The following SATB2 variants were observed in gnomAD, a reference collection of about 807,000 sequenced individuals.
SATB2 encodes DNA-binding protein SATB2.
In SATB2, 1 loss-of-function variant was observed where a neutral mutation model predicts 73.4. That is an observed-to-expected ratio of 0.01 (90% CI 0.00 to 0.06). The LOEUF (loss-of-function observed/expected upper bound fraction) is 0.06. Among genes scored for constraint, SATB2 ranks in the 10% least tolerant of loss-of-function variants. The probability of loss-of-function intolerance (pLI) is 1.00; values close to 1 mark genes in which losing one functional copy is unlikely to be tolerated. For synonymous variants in SATB2, 397 were observed against 367.0 expected, an observed-to-expected ratio of 1.08 and a Z score of -0.93; for missense variants, 459 against 945.8, an observed-to-expected ratio of 0.49 and a Z score of 6.75.
At chr2:199,386,424 C>A (rs1371381747) in intron 3 of SATB2, among the ~76,000 whole-genome samples, 2 of 152,172 alleles carry the variant, frequency 1.3e-5, no homozygotes, top group Non-Finnish European at 2.9e-5. Context: ...TGTCTAGTTA[C>A]AATTACAACA....
intron 10 of SATB2, among the ~76,000 whole-genome samples, chr2:199,287,282 A>C (rs1015104259): frequency 6.6e-6 from 1 of 152,034 alleles, no homozygotes; most frequent in African/African-American, 2.4e-5. Flanking sequence ...ACTTCAGATA[A>C]ATACATTTCA....
chr2:199,440,424 C>T (rs1230391759), intron 2 of SATB2, among the ~76,000 whole-genome samples: 1 of 152,170 alleles, frequency 6.6e-6, no homozygotes. Context: ...TAGTGTTCTC[C>T]TTAATCTCCT....
intron 3 of SATB2, among the ~76,000 whole-genome samples, chr2:199,385,615 G>T (rs558461632): frequency 2.3e-4 from 35 of 152,270 alleles, no homozygotes; most frequent in African/African-American, 8.4e-4. Flanking sequence ...GAAGGGATGG[G>T]TTATCTTAAG....
At chr2:199,380,626 A>G (rs1689741925) in intron 4 of SATB2, 139 bp from the exon 5 acceptor site, 3 of 1,105,872 alleles carry the variant, frequency 2.7e-6, no homozygotes, top group African/African-American at 1.5e-5. Context: ...AAGTGAAGGA[A>G]GGGAAGTAAA....
intron 10 of SATB2, among the ~76,000 whole-genome samples, chr2:199,292,342 C>T (rs1357153945): frequency 2.0e-5 from 3 of 152,196 alleles, no homozygotes; most frequent in Admixed American, 6.5e-5. Context: ...GGTGCCAAGA[C>T]ATTAAACTGT....
At chr2:199,349,492 T>C (rs1688751775) in intron 6 of SATB2, among the ~76,000 whole-genome samples, 2 of 152,178 alleles carry the variant, frequency 1.3e-5, no homozygotes. Context: ...CCAAGCTCTA[T>C]CATCTCCCCA....
chr2:199,378,915 G>C (rs1288969320), intron 5 of SATB2, among the ~76,000 whole-genome samples: 1 of 152,146 alleles, frequency 6.6e-6, no homozygotes. Context: ...CTGATTCCAG[G>C]ATACATGCTC....
chr2:199,335,968 C>T (rs1422631011), intron 7 of SATB2, among the ~76,000 whole-genome samples: 2 of 152,116 alleles, frequency 1.3e-5, no homozygotes, highest in African/African-American at 4.8e-5. Flanking sequence ...TTCTTGAAGC[C>T]AAAACAGTCT....
intron 10 of SATB2, among the ~76,000 whole-genome samples, chr2:199,291,282 T>G (rs990459890): frequency 3.9e-5 from 6 of 152,206 alleles, no homozygotes; most frequent in Non-Finnish European, 7.3e-5. Context: ...GAGAATGGTT[T>G]CAAGTTAGAG....
At chr2:199,310,060 C>G (rs1327048567) in intron 9 of SATB2, among the ~76,000 whole-genome samples, 1 of 152,180 alleles carries the variant, frequency 6.6e-6, no homozygotes, top group East Asian at 1.9e-4. Context: ...TCAGCCAAGA[C>G]AGCAACACCA....
At chr2:199,374,544 G>A (rs933217400) in intron 5 of SATB2, among the ~76,000 whole-genome samples, 3 of 152,130 alleles carry the variant, frequency 2.0e-5, no homozygotes, top group East Asian at 1.9e-4. Flanking sequence ...GCTTAAAAAC[G>A]TTTAGAATGG....
intron 3 of SATB2, among the ~76,000 whole-genome samples, chr2:199,399,357 T>G (rs1161156803): frequency 6.6e-6 from 1 of 152,200 alleles, no homozygotes; most frequent in Non-Finnish European, 1.5e-5. Flanking sequence ...GACATAGAAC[T>G]ATGAATTCTT....
At chr2:199,389,665 G>C (rs1455900269) in intron 3 of SATB2, among the ~76,000 whole-genome samples, 1 of 152,126 alleles carries the variant, frequency 6.6e-6, no homozygotes, top group East Asian at 1.9e-4. Flanking sequence ...CTGTTTGCAA[G>C]AATTCGGTAA....
chr2:199,294,431 A>G (rs1319166221), intron 10 of SATB2, among the ~76,000 whole-genome samples: 2 of 152,198 alleles, frequency 1.3e-5, no homozygotes, highest in Non-Finnish European at 2.9e-5. Context: ...GATGCATTTG[A>G]TCCAGGTTAT....
In SATB2 at chr2:199,464,820, C is replaced by G. The variant is rs2105968968; in HGVS notation, c.-141+16G>C. The stretch of plus-strand genomic sequence containing the variant: ...TCCCGGCGTGTCGGGCCCTGCGCCC[C>G]TGCCCAGTGGCTCACCTCGGCTCGC... On this transcript the variant is annotated intron_variant, in intron 1 of 11. Transcript: ENST00000260926. This position sits in a 1 kb window ranked among gnomAD's most constrained non-coding sequence, Gnocchi z 6.6. 6.5e-6 allele frequency: 1 copy of G among 152,692 alleles called. No individual in the cohort carries two copies. The highest frequency in any genetic ancestry group is 1.5e-5 in the Non-Finnish European group (1 of 68,344). The allele number at this position is 152,692 out of a possible 1,614,324, so 9.5% of individuals were successfully genotyped here. A position where few individuals can be genotyped will look rare whatever the true frequency, so the allele number is the denominator to read the frequency against.
intron 8 of SATB2, chr2:199,325,887 A>G (rs1230423315): frequency 1.3e-5 from 2 of 152,154 alleles, no homozygotes; most frequent in Non-Finnish European, 2.9e-5. Context: ...TTATCTTAGT[A>G]TTGTTTTGTC....
intron 9 of SATB2, among the ~76,000 whole-genome samples, chr2:199,318,599 T>TCTG (rs1304605806): frequency 6.6e-6 from 1 of 152,078 alleles, no homozygotes; most frequent in African/African-American, 2.4e-5. Flanking sequence ...ACTAACTATG[T>TCTG]CTGGGTCATG....
At chr2:199,318,994 T>C (rs1687810576) in intron 9 of SATB2, among the ~76,000 whole-genome samples, 1 of 151,736 alleles carries the variant, frequency 6.6e-6, no homozygotes, top group South Asian at 2.1e-4. Flanking sequence ...AGTTGAGAAC[T>C]TGAAACTTTT....
intron 6 of SATB2, among the ~76,000 whole-genome samples, chr2:199,353,832 G>A (rs1314919882): frequency 6.6e-6 from 1 of 152,028 alleles, no homozygotes; most frequent in Non-Finnish European, 1.5e-5. Context: ...TTTTTTCACT[G>A]TGTAATGGAA....
Sources: allele counts gnomAD v4.1 joint callset (sites outside exome capture counted in the v4.1 genomes callset), GRCh38; gene constraint gnomAD v4.1.1; non-coding constraint Gnocchi (gnomAD v3.1); transcripts MANE v1.5; gene names NCBI Gene and HGNC (gene_info 2026-07-23, HGNC 2026-07-21).